The following SUGCT variants were observed in gnomAD, a reference collection of about 807,000 sequenced individuals.
SUGCT encodes succinyl-CoA:glutarate-CoA transferase.
Under a neutral mutation model 55.0 loss-of-function variants are expected in SUGCT, and 41 were observed. That is an observed-to-expected ratio of 0.74 (90% confidence interval 0.58 to 0.97). SUGCT has a LOEUF of 0.97. Ranked by LOEUF, SUGCT falls within the 50% of genes least tolerant of loss-of-function variation. SUGCT has a pLI of 0.00. For synonymous variants in SUGCT, 187 were observed against 200.4 expected, an observed-to-expected ratio of 0.93 and a Z score of 0.56; for missense variants, 568 against 547.8, an observed-to-expected ratio of 1.04 and a Z score of -0.37.
At chr7:40,399,046 C>G (rs779584624) in intron 9 of SUGCT, among the ~76,000 whole-genome samples, 9 of 152,078 alleles carry the variant, frequency 5.9e-5, no homozygotes, top group Admixed American at 2.6e-4. Flanking sequence ...GAAAGTGAAT[C>G]TAGAAGGAGT....
At chr7:40,805,877 A>T (rs189666013) in intron 13 of SUGCT, among the ~76,000 whole-genome samples, 7 of 152,320 alleles carry the variant, frequency 4.6e-5, no homozygotes, top group African/African-American at 1.7e-4. Context: ...GACTAAAATC[A>T]TTTGTTTGTG....
At chr7:40,753,422 G>C (rs757874036) in intron 13 of SUGCT, among the ~76,000 whole-genome samples, 1 of 152,126 alleles carries the variant, frequency 6.6e-6, no homozygotes, top group Non-Finnish European at 1.5e-5. Context: ...TTTTGAATTT[G>C]CTAGACATAG....
At chr7:40,414,008 A>G (rs1405580967) in intron 9 of SUGCT, among the ~76,000 whole-genome samples, 2 of 152,066 alleles carry the variant, frequency 1.3e-5, no homozygotes, top group East Asian at 3.9e-4. Context: ...TAATTTCCCT[A>G]TTGGTGGACA....
chr7:40,256,164 A>T (rs1423475596), intron 7 of SUGCT, among the ~76,000 whole-genome samples: 1 of 152,190 alleles, frequency 6.6e-6, no homozygotes, highest in Non-Finnish European at 1.5e-5. Flanking sequence ...AGAGGAAGAG[A>T]TGATTTGCAT....
chr7:40,713,654 G>A (rs1002382000), intron 12 of SUGCT, among the ~76,000 whole-genome samples: 2 of 152,208 alleles, frequency 1.3e-5, no homozygotes, highest in Non-Finnish European at 2.9e-5. Flanking sequence ...CACAACAGAG[G>A]TGGATGTAAT....
rs1222844462 is a variant in SUGCT, at chr7:40,245,438, T to TA, written c.576+7712_576+7713insA. Among the ~76,000 whole-genome samples, 179 of 60,302 alleles carry TA rather than the reference T, an allele frequency of 3.0e-3. 8 individuals carry two copies. The highest frequency in any genetic ancestry group is 4.5e-3 in the Non-Finnish European group (139 of 31,206). The allele number at this position is 60,302 out of a possible 152,430, so 39.6% of individuals were successfully genotyped here. A position where few individuals can be genotyped will look rare whatever the true frequency, so the allele number is the denominator to read the frequency against. On this transcript the variant is annotated intron_variant, in intron 7 of 13. Coordinates refer to ENST00000335693, the MANE Select transcript of SUGCT (RefSeq NM_001193313.2). ...ATATATATATATTTTTTTTTTTTTTTTTTTTTTTTTTTTTTTTTTGAGATG... is the reference window on the plus strand; with the variant it reads ...ATATATATATATTTTTTTTTTTTTTTATTTTTTTTTTTTTTTTTTTGAGATG...
At chr7:40,640,535 G>A (rs1251553663) in intron 12 of SUGCT, among the ~76,000 whole-genome samples, 1 of 152,170 alleles carries the variant, frequency 6.6e-6, no homozygotes, top group African/African-American at 2.4e-5. Flanking sequence ...AAGTGCAGGT[G>A]TTCAGCATTA....
At chr7:40,291,440 G>A (rs1029385327) in intron 8 of SUGCT, among the ~76,000 whole-genome samples, 8 of 144,694 alleles carry the variant, frequency 5.5e-5, no homozygotes, top group African/African-American at 1.5e-4. Context: ...TCACTCATAG[G>A]TGGGAATTGA....
chr7:40,137,255 G>A (rs998525096), intron 1 of SUGCT, among the ~76,000 whole-genome samples: 4 of 152,096 alleles, frequency 2.6e-5, no homozygotes, highest in Admixed American at 2.0e-4. Context: ...AGTCTCCCAA[G>A]TAGCTGGGAG....
At chr7:40,740,216 G>A (rs529903670) in intron 12 of SUGCT, among the ~76,000 whole-genome samples, 19 of 151,804 alleles carry the variant, frequency 1.3e-4, no homozygotes, top group African/African-American at 1.9e-4. Context: ...GTTTATTGTC[G>A]GTATACAAAA....
chr7:40,324,216 A>T (rs1795891430), intron 9 of SUGCT, among the ~76,000 whole-genome samples: 1 of 130,474 alleles, frequency 7.7e-6, no homozygotes, highest in Admixed American at 8.3e-5. Flanking sequence ...TCATAGGATA[A>T]GCAGATGATC....
chr7:40,814,333 G>A (rs1360158862), intron 13 of SUGCT, among the ~76,000 whole-genome samples: 1 of 151,952 alleles, frequency 6.6e-6, no homozygotes, highest in Non-Finnish European at 1.5e-5. Context: ...TCTCAGGAAT[G>A]CCAATCATTT....
the SUGCT span, among the ~76,000 whole-genome samples, chr7:40,903,983 C>T: frequency 2.6e-5 from 4 of 152,132 alleles, no homozygotes; most frequent in Admixed American, 1.3e-4. Flanking sequence ...ACTGGATGGC[C>T]GCTGCCCAAG....
chr7:41,031,931 A>G, the SUGCT span, among the ~76,000 whole-genome samples: 1 of 151,914 alleles, frequency 6.6e-6, no homozygotes, highest in African/African-American at 2.4e-5. Flanking sequence ...TGAGTATAGG[A>G]GCCAGCTTCA....
At chr7:40,252,305 C>T (rs1426594146) in intron 7 of SUGCT, among the ~76,000 whole-genome samples, 2 of 151,902 alleles carry the variant, frequency 1.3e-5, no homozygotes, top group African/African-American at 4.8e-5. Context: ...TTTTTGTTAG[C>T]TAGGAGTTTC....
Position 40,499,332 on chromosome 7 carries a change from C to T in SUGCT, c.1089+2946C>T. 3 of 220,698 alleles carry T rather than the reference C, an allele frequency of 1.4e-5. No homozygotes were observed. The South Asian group carries it at 1.5e-4, about 11-fold the overall frequency. The allele number at this position is 220,698 out of a possible 1,614,324, so 13.7% of individuals were successfully genotyped here. ...GCCTACTTCTCAAGTAGACCATTTA[C>T]AGCATTTCATTTGTGGTTTGAACTT... On this transcript the variant is annotated intron_variant, in intron 12 of 13. Coordinates refer to ENST00000335693, the MANE Select transcript of SUGCT (RefSeq NM_001193313.2).
chr7:40,157,024 A>AAAG (rs1783931681), intron 1 of SUGCT, among the ~76,000 whole-genome samples: 1 of 151,818 alleles, frequency 6.6e-6, no homozygotes, highest in African/African-American at 2.4e-5. Context: ...AAAAAAAAAA[A>AAAG]AAAAGGTAAA....
the SUGCT span, among the ~76,000 whole-genome samples, chr7:41,012,139 C>T: frequency 3.3e-5 from 5 of 152,110 alleles, no homozygotes; most frequent in Admixed American, 6.5e-5. Flanking sequence ...GGAAATTTCC[C>T]GGAACCAGCC....
At chr7:40,854,136 G>T (rs1159652834) in intron 13 of SUGCT, among the ~76,000 whole-genome samples, 4 of 152,128 alleles carry the variant, frequency 2.6e-5, no homozygotes, top group Admixed American at 1.3e-4. Flanking sequence ...TTTGGATCTT[G>T]ATTTTTCCAT....
Sources: gnomAD v4.1 joint callset for allele counts (sites outside exome capture counted in the v4.1 genomes callset) on GRCh38, gnomAD v4.1.1 for gene constraint, MANE v1.5 for transcripts, NCBI Gene and HGNC (gene_info 2026-07-23, HGNC 2026-07-21) for gene names.